Variants in RPS6KA2 observed in about 807,000 individuals in gnomAD.
RPS6KA2 encodes ribosomal protein S6 kinase A2.
Under a neutral mutation model 91.8 loss-of-function variants are expected in RPS6KA2, and 42 were observed. That is an observed-to-expected ratio of 0.46 (90% confidence interval 0.36 to 0.59). The LOEUF (loss-of-function observed/expected upper bound fraction) is 0.59. Among genes scored for constraint, RPS6KA2 ranks in the 20% least tolerant of loss-of-function variants. The pLI, the probability that RPS6KA2 is intolerant of heterozygous loss-of-function variation, is 0.00. For missense variants in RPS6KA2, 798 were observed against 978.5 expected, an observed-to-expected ratio of 0.82 and a Z score of 2.46; for synonymous variants, 414 against 393.6, an observed-to-expected ratio of 1.05 and a Z score of -0.61.
intron 2 of RPS6KA2, among the ~76,000 whole-genome samples, chr6:166,792,210 A>G (rs990686442): frequency 2.0e-5 from 3 of 152,266 alleles, no homozygotes; most frequent in Admixed American, 6.5e-5. Flanking sequence ...CTACCATCAG[A>G]GAATATTATA....
intron 1 of RPS6KA2, among the ~76,000 whole-genome samples, chr6:166,611,558 G>A (rs1424965759): frequency 5.3e-5 from 8 of 152,196 alleles, no homozygotes; most frequent in South Asian, 2.1e-4. Flanking sequence ...GTGTCACAAC[G>A]CCTTTATCTG....
At chr6:166,594,404 T>C (rs182260019) in intron 1 of RPS6KA2, among the ~76,000 whole-genome samples, 1 of 152,342 alleles carries the variant, frequency 6.6e-6, no homozygotes, top group Admixed American at 6.5e-5. Flanking sequence ...AAATATCTTA[T>C]TAAAAAAATT....
intron 2 of RPS6KA2, among the ~76,000 whole-genome samples, chr6:166,663,734 G>A (rs760346220): frequency 1.3e-5 from 2 of 152,220 alleles, no homozygotes; most frequent in Non-Finnish European, 2.9e-5. Context: ...AGTTGGGGAG[G>A]AGGAGGAGGG....
intron 2 of RPS6KA2, among the ~76,000 whole-genome samples, chr6:166,730,769 G>A (rs1332952476): frequency 1.3e-5 from 2 of 152,130 alleles, no homozygotes; most frequent in African/African-American, 4.8e-5. Context: ...TTTATGTTCT[G>A]GTTTTGTTAA....
chr6:166,546,590 T>C (rs1777144270), intron 1 of RPS6KA2, among the ~76,000 whole-genome samples: 1 of 151,896 alleles, frequency 6.6e-6, no homozygotes, highest in Non-Finnish European at 1.5e-5. Flanking sequence ...ACCTACATCA[T>C]CATAAACTAC....
At chr6:166,649,426 T>G (rs1787780098) in intron 2 of RPS6KA2, among the ~76,000 whole-genome samples, 1 of 152,210 alleles carries the variant, frequency 6.6e-6, no homozygotes, top group South Asian at 2.1e-4. Flanking sequence ...TTCCGGGTCA[T>G]CCTCCCTGTT....
At chr6:166,579,727 AT>A (rs1216973723) in intron 1 of RPS6KA2, among the ~76,000 whole-genome samples, 3 of 152,218 alleles carry the variant, frequency 2.0e-5, no homozygotes, top group African/African-American at 4.8e-5. Flanking sequence ...GTGTTGTGGT[AT>A]TTAATGTCGC....
chr6:166,818,635 C>T (rs1009339941), intron 2 of RPS6KA2, among the ~76,000 whole-genome samples: 1 of 152,112 alleles, frequency 6.6e-6, no homozygotes, highest in Admixed American at 6.5e-5. Context: ...GAGACCGTTG[C>T]CTGTGCTTGT....
At chr6:166,600,042 C>T (rs1411397124) in intron 1 of RPS6KA2, among the ~76,000 whole-genome samples, 1 of 152,142 alleles carries the variant, frequency 6.6e-6, no homozygotes, top group Non-Finnish European at 1.5e-5. Flanking sequence ...GAGTCTTGCT[C>T]CATAGCTGAG....
At chr6:166,651,964 C>T (rs1787867175) in intron 2 of RPS6KA2, among the ~76,000 whole-genome samples, 1 of 152,278 alleles carries the variant, frequency 6.6e-6, no homozygotes, top group South Asian at 2.1e-4. Context: ...CATCCGCCTT[C>T]TCCAAGTGAG....
intron 2 of RPS6KA2, among the ~76,000 whole-genome samples, chr6:166,637,015 T>TA (rs1787265557): frequency 6.6e-6 from 1 of 152,258 alleles, no homozygotes; most frequent in African/African-American, 2.4e-5. Flanking sequence ...GGGAGGAAAT[T>TA]CGGCAGCATC....
At chr6:166,680,268 C>G (rs955411951) in intron 2 of RPS6KA2, among the ~76,000 whole-genome samples, 10 of 152,244 alleles carry the variant, frequency 6.6e-5, no homozygotes, top group African/African-American at 2.4e-4. Flanking sequence ...GGTTCGTAAA[C>G]ACACCAATCA....
At chr6:166,540,219 C>T (rs560991629) in intron 1 of RPS6KA2, among the ~76,000 whole-genome samples, 8 of 152,286 alleles carry the variant, frequency 5.3e-5, no homozygotes, top group African/African-American at 1.9e-4. Flanking sequence ...ACGTACATGA[C>T]GATGTTTGAA....
In RPS6KA2 at chr6:166,508,419, G is replaced by A. The variant is rs3752550; in HGVS notation, c.380-137C>T. 690 of 630,512 alleles carry A rather than the reference G, an allele frequency of 1.1e-3. 8 individuals carry two copies. In the East Asian group the frequency reaches 0.016, roughly 14 times the overall value. The allele number at this position is 630,512 out of a possible 1,614,324, so 39.1% of individuals were successfully genotyped here. A position where few individuals can be genotyped will look rare whatever the true frequency, so the allele number is the denominator to read the frequency against. ...TTGAGAAACGGCAGGACCCCGGCTG[G>A]TGACCAGCTCAGAGGGGCAGCACCC... On this transcript the variant is annotated intron_variant, in intron 4 of 20. Transcript: ENST00000265678. The surrounding 1 kb of genome is among the most constrained non-coding windows in gnomAD (Gnocchi z 4.3).
chr6:166,730,384 T>C (rs1446901921), intron 2 of RPS6KA2, among the ~76,000 whole-genome samples: 1 of 140,588 alleles, frequency 7.1e-6, no homozygotes, highest in Non-Finnish European at 1.6e-5. Flanking sequence ...TAAAAATATG[T>C]CATCAGTCAT....
intron 2 of RPS6KA2, among the ~76,000 whole-genome samples, chr6:166,745,682 G>A (rs1357196457): frequency 2.6e-5 from 4 of 151,738 alleles, no homozygotes; most frequent in Non-Finnish European, 5.9e-5. Context: ...AACGAGAGGG[G>A]GTGACAACAG....
intron 1 of RPS6KA2, among the ~76,000 whole-genome samples, chr6:166,562,615 T>C (rs1262304972): frequency 1.3e-5 from 2 of 152,234 alleles, no homozygotes; most frequent in African/African-American, 4.8e-5. Flanking sequence ...CGGCTGCTAC[T>C]AAGCCTTGAG....
At chr6:166,575,238 A>AT (rs1478011217) in intron 1 of RPS6KA2, among the ~76,000 whole-genome samples, 5 of 152,314 alleles carry the variant, frequency 3.3e-5, no homozygotes, top group African/African-American at 7.2e-5. Context: ...GATTCATGTG[A>AT]TTTTTTTGTC....
intron 2 of RPS6KA2, among the ~76,000 whole-genome samples, chr6:166,637,752 G>T (rs1333832026): frequency 6.6e-6 from 1 of 152,226 alleles, no homozygotes; most frequent in Non-Finnish European, 1.5e-5. Context: ...CTCAAGCCAG[G>T]TTTGTTCAAG....
Sources: gnomAD v4.1 joint callset for allele counts (sites outside exome capture counted in the v4.1 genomes callset) on GRCh38, gnomAD v4.1.1 for gene constraint, Gnocchi (gnomAD v3.1) non-coding constraint, MANE v1.5 for transcripts, NCBI Gene and HGNC (gene_info 2026-07-23, HGNC 2026-07-21) for gene names.